The following SHANK2 variants were observed in gnomAD, a reference collection of about 807,000 sequenced individuals.
The protein encoded by SHANK2 is SH3 and multiple ankyrin repeat domains protein 2.
A neutral mutation model predicts 133.7 loss-of-function variants in SHANK2; 43 were observed. The ratio of observed to expected loss-of-function variants is 0.32; its 90% CI spans 0.25 to 0.41. The LOEUF (loss-of-function observed/expected upper bound fraction) is 0.41, where lower values mean the gene tolerates loss of function less well. SHANK2 is among the 10% of genes least tolerant of loss of function. SHANK2 has a pLI of 1.00. For missense variants in SHANK2, 1,994 were observed against 2,235.8 expected (o/e 0.89, Z 2.18); for synonymous variants, 1,017 against 952.8 (o/e 1.07, Z -1.24).
intron 11 of SHANK2, among the ~76,000 whole-genome samples, chr11:70,849,183 G>A (rs1016861185): frequency 3.3e-5 from 5 of 152,206 alleles, no homozygotes; most frequent in African/African-American, 4.8e-5. Flanking sequence ...GTGTGAGGAT[G>A]CATACCTGAA....
In SHANK2 at chr11:70,940,178, C is replaced by CCTTA. The variant is rs1182810448; in HGVS notation, c.1108-43612_1108-43611insTAAG. 4.6e-3 allele frequency among the ~76,000 whole-genome samples: 677 copies of CCTTA among 146,660 alleles called. 5 individuals are homozygous for CCTTA. Among genetic ancestry groups the CCTTA allele is most frequent in the African/African-American group, 0.017 (641 of 37,142 alleles). The stretch of plus-strand genomic sequence containing the variant: ...AATTTCCTTCCTTCCTTCCTTCCTT[C>CCTTA]CTTCCTTACTTCCTTCCTTCCTGCC... On this transcript the variant is annotated intron_variant, in intron 10 of 25. Coordinates refer to ENST00000601538, the MANE Select transcript of SHANK2 (RefSeq NM_012309.5).
chr11:70,526,281 T>C (rs2059394934), intron 17 of SHANK2, among the ~76,000 whole-genome samples: 1 of 152,174 alleles, frequency 6.6e-6, no homozygotes, highest in Non-Finnish European at 1.5e-5. Context: ...CACTGACAGC[T>C]GGCCTGTGTT....
chr11:70,492,936 C>T (rs1439269413), intron 21 of SHANK2, among the ~76,000 whole-genome samples: 4 of 151,636 alleles, frequency 2.6e-5, no homozygotes, highest in African/African-American at 9.7e-5. Flanking sequence ...GCTGGGATTA[C>T]AGGCACCTGC....
chr11:70,576,797 G>C (rs181529583), intron 17 of SHANK2, among the ~76,000 whole-genome samples: 1 of 152,196 alleles, frequency 6.6e-6, no homozygotes, highest in Non-Finnish European at 1.5e-5. Flanking sequence ...CTGCAAACAG[G>C]TTTCATCATA....
chr11:71,157,969 G>A (rs1382098088), intron 2 of SHANK2, among the ~76,000 whole-genome samples: 1 of 152,094 alleles, frequency 6.6e-6, no homozygotes, highest in Non-Finnish European at 1.5e-5. Context: ...TGTCCAGCAG[G>A]AACAAGAGGC....
intron 17 of SHANK2, among the ~76,000 whole-genome samples, chr11:70,521,440 G>A (rs2059328780): frequency 6.6e-6 from 1 of 152,156 alleles, no homozygotes; most frequent in Non-Finnish European, 1.5e-5. Flanking sequence ...TTTGGATTTT[G>A]AGATTTTTGA....
At chr11:70,731,742 T>G (rs1555032256) in intron 14 of SHANK2, among the ~76,000 whole-genome samples, 1 of 152,232 alleles carries the variant, frequency 6.6e-6, no homozygotes, top group East Asian at 1.9e-4. Flanking sequence ...TCTGGACACC[T>G]GTTTTTAATT....
chr11:70,807,887 T>A lies in SHANK2; in HGVS notation c.1494-716A>T, dbSNP rs1360595478. Among the ~76,000 whole-genome samples the A allele has an allele frequency of 1.1e-4, 16 of 151,206 alleles. No individual in the cohort carries two copies. The highest frequency in any genetic ancestry group is 1.1e-3 in the Admixed American group (16 of 15,228). The stretch of plus-strand genomic sequence containing the variant: ...CACCATGGGTGAACCTTGGGGACAC[T>A]GCTCAGTGAGATACACCAGACACAA... On this transcript the variant is annotated intron_variant, in intron 12 of 25. Coordinates refer to ENST00000601538, the MANE Select transcript of SHANK2 (RefSeq NM_012309.5). The surrounding 1 kb of genome is among the most constrained non-coding windows in gnomAD (Gnocchi z 4.8).
intron 14 of SHANK2, among the ~76,000 whole-genome samples, chr11:70,714,600 C>T (rs542997587): frequency 4.6e-5 from 7 of 152,284 alleles, no homozygotes; most frequent in East Asian, 3.9e-4. Flanking sequence ...AGAGACTCCA[C>T]GAGAGGACTC....
At chr11:71,101,221 C>G (rs1951711927) in intron 6 of SHANK2, among the ~76,000 whole-genome samples, 1 of 152,182 alleles carries the variant, frequency 6.6e-6, no homozygotes, top group Non-Finnish European at 1.5e-5. Context: ...TCCCCGACCC[C>G]AAGACAGGCT....
chr11:70,747,510 G>A (rs987494551), intron 14 of SHANK2, among the ~76,000 whole-genome samples: 1 of 152,232 alleles, frequency 6.6e-6, no homozygotes, highest in South Asian at 2.1e-4. Context: ...TTGGCTTACA[G>A]ACTAGTGTTG....
chr11:70,721,695 T>A (rs910024344), intron 14 of SHANK2, among the ~76,000 whole-genome samples: 8 of 152,346 alleles, frequency 5.3e-5, no homozygotes, highest in African/African-American at 1.7e-4. Flanking sequence ...AGGGCTGGGA[T>A]GTGGGACCGT....
chr11:70,853,302 C>T (rs1949118078), intron 11 of SHANK2, among the ~76,000 whole-genome samples: 1 of 152,222 alleles, frequency 6.6e-6, no homozygotes, highest in Non-Finnish European at 1.5e-5. Context: ...CCCACGGGCC[C>T]TGGAGCTCAG....
At chr11:70,949,229 CT>C (rs1245074308) in intron 10 of SHANK2, among the ~76,000 whole-genome samples, 3 of 152,270 alleles carry the variant, frequency 2.0e-5, no homozygotes, top group African/African-American at 7.2e-5. Flanking sequence ...CTCATTCAGT[CT>C]GCAAGAGCCT....
intron 14 of SHANK2, among the ~76,000 whole-genome samples, chr11:70,732,767 C>A (rs1946317103): frequency 6.6e-6 from 1 of 152,192 alleles, no homozygotes; most frequent in African/African-American, 2.4e-5. Context: ...TTTTGTCCTG[C>A]CTAGGAAGCC....
intron 2 of SHANK2, among the ~76,000 whole-genome samples, chr11:71,176,755 T>C (rs556336971): frequency 8.0e-4 from 122 of 152,178 alleles, no homozygotes; most frequent in African/African-American, 2.8e-3. Context: ...AATATGTACA[T>C]AGTTGGAGTT....
chr11:70,673,787 ACCTC>A (rs1944859166), intron 15 of SHANK2, among the ~76,000 whole-genome samples: 1 of 151,926 alleles, frequency 6.6e-6, no homozygotes, highest in South Asian at 2.1e-4. Context: ...CTGGCCACCA[ACCTC>A]CCTCCACTCA....
intron 17 of SHANK2, among the ~76,000 whole-genome samples, chr11:70,648,780 C>CCCTT (rs1555009237): frequency 6.6e-6 from 1 of 152,100 alleles, no homozygotes; most frequent in African/African-American, 2.4e-5. Flanking sequence ...AGGAAGGAGA[C>CCCTT]CCTTGTCCAA....
At chr11:70,788,831 G>A (rs1044723058) in intron 14 of SHANK2, among the ~76,000 whole-genome samples, 1 of 152,184 alleles carries the variant, frequency 6.6e-6, no homozygotes, top group African/African-American at 2.4e-5. Flanking sequence ...CTCCAGGTGT[G>A]GCTTCAGATG....
Sources: allele counts gnomAD v4.1 joint callset (sites outside exome capture counted in the v4.1 genomes callset), GRCh38; gene constraint gnomAD v4.1.1; non-coding constraint Gnocchi (gnomAD v3.1); transcripts MANE v1.5; gene names NCBI Gene and HGNC (gene_info 2026-07-23, HGNC 2026-07-21).